Variants in IL7 observed in about 807,000 individuals in gnomAD.
The protein encoded by IL7 is interleukin-7.
In IL7, 3 loss-of-function variants were observed where a neutral mutation model predicts 21.6. The observed-to-expected ratio is 0.14, with a 90% CI of 0.06 to 0.36. The LOEUF (loss-of-function observed/expected upper bound fraction) is 0.36. Among genes scored for constraint, IL7 ranks in the 10% least tolerant of loss-of-function variants. The pLI, the probability that IL7 is intolerant of heterozygous loss-of-function variation, is 1.00. For synonymous variants in IL7, 62 were observed against 68.1 expected (o/e 0.91, Z 0.44); for missense variants, 175 against 200.2 (o/e 0.87, Z 0.76).
intron 2 of IL7, among the ~76,000 whole-genome samples, chr8:78,751,412 AG>A (rs1812168494): frequency 6.6e-6 from 1 of 152,330 alleles, no homozygotes; most frequent in African/African-American, 2.4e-5. Flanking sequence ...AGCCTTCAAA[AG>A]TGAAGGAGGA....
intron 2 of IL7, among the ~76,000 whole-genome samples, chr8:78,775,475 T>C (rs968955437): frequency 3.3e-5 from 5 of 152,152 alleles, no homozygotes; most frequent in African/African-American, 1.2e-4. Context: ...AGTTTGTGGA[T>C]GACTGTGTGC....
intron 2 of IL7, among the ~76,000 whole-genome samples, chr8:78,796,728 G>A (rs780707289): frequency 3.3e-5 from 5 of 151,866 alleles, no homozygotes; most frequent in Non-Finnish European, 7.4e-5. Context: ...CTATTAAAAT[G>A]GTTAAAATCT....
intron 2 of IL7, among the ~76,000 whole-genome samples, chr8:78,747,627 T>G (rs1563418790): frequency 6.6e-6 from 1 of 152,232 alleles, no homozygotes; most frequent in Non-Finnish European, 1.5e-5. Context: ...TCAGGTAGCT[T>G]AGCAGATTAT....
chr8:78,790,944 T>C (rs948616983), intron 2 of IL7, among the ~76,000 whole-genome samples: 1 of 150,604 alleles, frequency 6.6e-6, no homozygotes, highest in South Asian at 2.1e-4. Flanking sequence ...AGTAAAATGA[T>C]TCATATTTCC....
intron 3 of IL7, among the ~76,000 whole-genome samples, chr8:78,703,281 A>C (rs184334829): frequency 6.6e-6 from 1 of 152,180 alleles, no homozygotes; most frequent in African/African-American, 2.4e-5. Flanking sequence ...GTAAATATCT[A>C]TCAGGTCCAT....
intron 5 of IL7, among the ~76,000 whole-genome samples, chr8:78,734,758 A>G (rs1158079928): frequency 6.6e-6 from 1 of 152,214 alleles, no homozygotes; most frequent in Non-Finnish European, 1.5e-5. Context: ...TCAGTCATAT[A>G]TTGTGCTCAG....
chr8:78,707,871 G>A (rs1351698211), intron 3 of IL7, among the ~76,000 whole-genome samples: 1 of 143,882 alleles, frequency 7.0e-6, no homozygotes. Context: ...TTTTTTTTAA[G>A]AATTAGTGAA....
intron 2 of IL7, among the ~76,000 whole-genome samples, chr8:78,775,261 TA>T (rs1055078594): frequency 5.9e-5 from 9 of 152,150 alleles, no homozygotes; most frequent in African/African-American, 1.9e-4. Context: ...GTGTTCATGT[TA>T]AATACACACA....
intron 4 of IL7, among the ~76,000 whole-genome samples, chr8:78,677,310 C>T (rs1436243819): frequency 1.3e-5 from 2 of 151,718 alleles, no homozygotes; most frequent in Non-Finnish European, 2.9e-5. Context: ...ATTCTAATGT[C>T]CCTAAACTGA....
intron 3 of IL7, among the ~76,000 whole-genome samples, chr8:78,692,243 T>C (rs147703863): frequency 4.6e-5 from 7 of 152,194 alleles, no homozygotes; most frequent in Non-Finnish European, 8.8e-5. Flanking sequence ...TCTCTGCTGC[T>C]TAGAGTTCCA....
rs1465998318 is a variant in IL7 at position 78,805,433 on chromosome 8, T to C, written c.-511A>G. 6.6e-6 allele frequency: 1 copy of C among 152,590 alleles called. No individual in the cohort carries two copies. 9.5% of individuals were successfully genotyped at this position (152,590 alleles called of 1,614,324 possible). A position where few individuals can be genotyped will look rare whatever the true frequency, so the allele number is the denominator to read the frequency against. On this transcript the variant is annotated 5_prime_UTR_variant, in exon 1 of 6. Coordinates refer to ENST00000263851, the MANE Select transcript of IL7 (RefSeq NM_000880.4). ...GGCGACTGGGAGCTAGAACCATGAG[T>C]TGTTAATGTGTGCACGGAAGCCACA...
chr8:78,777,382 C>A lies in IL7; in HGVS notation c.147+20690G>T, dbSNP rs561769058. On this transcript the variant is annotated intron_variant, in intron 2 of 5. Coordinates refer to ENST00000263851, the MANE Select transcript of IL7 (RefSeq NM_000880.4). ...ATAAAAAAGGGCAATCTGAAAGTGC[C>A]TTCCTTCTTCACTAGGACGGACTTT... 4.6e-5 allele frequency among the ~76,000 whole-genome samples: 7 copies of A among 152,096 alleles called. No homozygotes were observed. In the South Asian group the frequency reaches 1.5e-3, roughly 32 times the overall value.
intron 3 of IL7, 124 bp downstream of exon 3, chr8:78,739,878 T>C (rs1811720998): frequency 9.8e-6 from 8 of 816,376 alleles, no homozygotes; most frequent in Non-Finnish European, 1.4e-5. Flanking sequence ...ATTTAATCAA[T>C]GGGAATTATG....
intron 2 of IL7, among the ~76,000 whole-genome samples, chr8:78,783,715 C>A (rs1488072569): frequency 6.6e-6 from 1 of 152,122 alleles, no homozygotes; most frequent in Non-Finnish European, 1.5e-5. Flanking sequence ...TCAATTTCAA[C>A]TATATAACCT....
intron 1 of IL7, among the ~76,000 whole-genome samples, chr8:78,799,180 T>C (rs371529396): frequency 6.6e-6 from 1 of 152,154 alleles, no homozygotes; most frequent in South Asian, 2.1e-4. Context: ...TGAACTTCAA[T>C]TGTACTTGAA....
At chr8:78,709,493 A>G (rs1810887203) in intron 3 of IL7, among the ~76,000 whole-genome samples, 1 of 152,152 alleles carries the variant, frequency 6.6e-6, no homozygotes, top group African/African-American at 2.4e-5. Context: ...TGTGGATAAC[A>G]ATGATTGGAG....
At chr8:78,802,318 C>T (rs79980359) in intron 1 of IL7, among the ~76,000 whole-genome samples, 3,308 of 152,238 alleles carry the variant, frequency 0.022, 92 homozygotes, top group African/African-American at 0.069. Context: ...TAATTTAATT[C>T]CATAACCACT....
intron 4 of IL7, among the ~76,000 whole-genome samples, chr8:78,685,656 A>G (rs1809945538): frequency 6.6e-6 from 1 of 152,228 alleles, no homozygotes. Flanking sequence ...GATTCTTAGT[A>G]ATTTAAAAAG....
chr8:78,678,661 A>G (rs1809663962), intron 4 of IL7: 1 of 1,608,576 alleles, frequency 6.2e-7, no homozygotes, highest in South Asian at 1.1e-5. Flanking sequence ...TTCCAACAGT[A>G]AAACCTCTCA....
Sources: gnomAD v4.1 joint callset for allele counts (sites outside exome capture counted in the v4.1 genomes callset) on GRCh38, gnomAD v4.1.1 for gene constraint, MANE v1.5 for transcripts, NCBI Gene and HGNC (gene_info 2026-07-23, HGNC 2026-07-21) for gene names.